The following AAK1 variants were observed in gnomAD, a reference collection of about 807,000 sequenced individuals.
The protein encoded by AAK1 is AP2-associated protein kinase 1.
A neutral mutation model predicts 116.0 loss-of-function variants in AAK1; 37 were observed. The ratio of observed to expected loss-of-function variants is 0.32; its 90% confidence interval spans 0.25 to 0.42. The LOEUF (loss-of-function observed/expected upper bound fraction) is 0.42. Among genes scored for constraint, AAK1 ranks in the 10% least tolerant of loss-of-function variants. The pLI is 1.00. For missense variants in AAK1, 919 were observed against 1,170.6 expected (o/e 0.79, Z 3.14); for synonymous variants, 458 against 439.9 (o/e 1.04, Z -0.51).
chr2:69,540,463 G>A lies in AAK1; in HGVS notation c.534+2060C>T, dbSNP rs570343844. 1.4e-4 allele frequency among the ~76,000 whole-genome samples: 21 copies of A among 152,274 alleles called. No homozygotes were observed. In the South Asian group the frequency reaches 1.7e-3, roughly 12 times the overall value. ...CTTAGAAAAAAAGGGCTGACTGTGCGCAGAGGTACACTACAGAAAGCTATC... is the reference window on the plus strand; with the variant it reads ...CTTAGAAAAAAAGGGCTGACTGTGCACAGAGGTACACTACAGAAAGCTATC... On this transcript the variant is annotated intron_variant, in intron 5 of 21. Coordinates refer to ENST00000409085, the MANE Select transcript of AAK1 (RefSeq NM_014911.5).
In AAK1 at chr2:69,530,608, G is replaced by A; in HGVS notation, c.738+17C>T. ...ACTGCTGCTATCTGAGGTATGGATA[G>A]GTTACCTGACACCTACCCAAATGTC... On this transcript the variant is annotated intron_variant, in intron 7 of 21. Transcript: ENST00000409085. 6 of 1,605,410 alleles carry A rather than the reference G, an allele frequency of 3.7e-6. No individual in the cohort carries two copies. The highest frequency in any genetic ancestry group is 4.3e-6 in the Non-Finnish European group (5 of 1,172,284).
chr2:69,519,436 A>G (rs1485175033), intron 11 of AAK1, among the ~76,000 whole-genome samples, 196 bp from the exon 12 acceptor site: 3 of 152,174 alleles, frequency 2.0e-5, no homozygotes, highest in African/African-American at 4.8e-5. Context: ...ATGTGCTTCA[A>G]ATTTTTCAAA....
intron 2 of AAK1, among the ~76,000 whole-genome samples, chr2:69,632,697 G>GC (rs777575974): frequency 1.3e-5 from 2 of 152,088 alleles, no homozygotes; most frequent in African/African-American, 2.4e-5. Flanking sequence ...AGGAGATCGA[G>GC]ACCATCCTGG....
intron 17 of AAK1, among the ~76,000 whole-genome samples, chr2:69,490,308 T>C (rs1010742924): frequency 5.9e-5 from 9 of 152,114 alleles, no homozygotes; most frequent in Admixed American, 1.3e-4. Context: ...CATTTCTGGG[T>C]ATATACCCAA....
At chr2:69,512,390 C>G (rs910234865) in intron 13 of AAK1, among the ~76,000 whole-genome samples, 1 of 152,174 alleles carries the variant, frequency 6.6e-6, no homozygotes. Flanking sequence ...AACATTACCT[C>G]ATGAGCATTT....
chr2:69,553,705 G>A (rs1407381481), intron 3 of AAK1, among the ~76,000 whole-genome samples: 1 of 151,744 alleles, frequency 6.6e-6, no homozygotes, highest in Non-Finnish European at 1.5e-5. Context: ...GCCGCCCAAA[G>A]TGCTGGGATT....
Position 69,525,588 on chromosome 2 carries a change from C to T in AAK1, c.976-476G>A, listed in dbSNP as rs984407876. Among the ~76,000 whole-genome samples the T allele has an allele frequency of 1.7e-4, 26 of 152,220 alleles. 1 individual carries two copies. The highest frequency in any genetic ancestry group is 1.6e-4 in the Non-Finnish European group (11 of 68,024). On this transcript the variant is annotated intron_variant, in intron 9 of 21. Coordinates refer to ENST00000409085, the MANE Select transcript of AAK1 (RefSeq NM_014911.5). ...AAGTTAGAATGCTCAGAGAAAACCA[C>T]AGCCACCTCTGTGTATGGCTGCTGA... is the stretch of plus-strand genomic sequence containing the variant.
intron 10 of AAK1, among the ~76,000 whole-genome samples, chr2:69,521,653 C>T (rs980889681): frequency 5.9e-5 from 9 of 152,204 alleles, no homozygotes; most frequent in African/African-American, 2.2e-4. Context: ...AATCACATTG[C>T]CCAGTCTCTT....
intron 2 of AAK1, among the ~76,000 whole-genome samples, chr2:69,574,696 G>A (rs1672230758): frequency 6.6e-6 from 1 of 152,018 alleles, no homozygotes; most frequent in Non-Finnish European, 1.5e-5. Context: ...ACACGACGGG[G>A]ATGGTGGCTC....
chr2:69,574,938 T>C (rs1447546048), intron 2 of AAK1, among the ~76,000 whole-genome samples: 1 of 148,472 alleles, frequency 6.7e-6, no homozygotes, highest in Non-Finnish European at 1.5e-5. Context: ...CATTGAACTA[T>C]CATTGTGCCA....
Position 69,527,212 on chromosome 2 carries a change from G to C in AAK1, c.975+4C>G, listed in dbSNP as rs147452033. 1.3e-6 allele frequency: 2 copies of C among 1,583,274 alleles called. No individual in the cohort carries two copies. Among genetic ancestry groups the C allele is most frequent in the Admixed American group, 3.4e-5 (2 of 58,158 alleles). On this transcript the variant is annotated splice_donor_region_variant and intron_variant, in intron 9 of 21. Transcript: ENST00000409085. ...ACTCCCTTTAAATAGCACCATTCAC[G>C]TACCTGTACATTTGGAATTGGGCAC...
chr2:69,505,800 C>A, intron 15 of AAK1, 127 bp from the exon 16 acceptor site: 1 of 592,586 alleles, frequency 1.7e-6, no homozygotes. Context: ...ATTATGGCGA[C>A]ACATTCAAAG....
chr2:69,607,940 C>T (rs1406087171), intron 2 of AAK1, among the ~76,000 whole-genome samples: 1 of 152,218 alleles, frequency 6.6e-6, no homozygotes. Context: ...CACATGTCTC[C>T]TGCCCCCAGG....
intron 3 of AAK1, among the ~76,000 whole-genome samples, chr2:69,555,022 A>C (rs183129820): frequency 6.6e-6 from 1 of 152,340 alleles, no homozygotes; most frequent in East Asian, 1.9e-4. Flanking sequence ...GAGAAAGTGA[A>C]ATCATGGGAT....
At chr2:69,593,856 C>G (rs1410623913) in intron 2 of AAK1, among the ~76,000 whole-genome samples, 1 of 152,212 alleles carries the variant, frequency 6.6e-6, no homozygotes, top group African/African-American at 2.4e-5. Context: ...TGCTACTTCC[C>G]TCACTCATTA....
At chr2:69,556,778 C>T (rs1375035300) in intron 3 of AAK1, 82 bp downstream of exon 3, 7 of 1,112,380 alleles carry the variant, frequency 6.3e-6, no homozygotes, top group Non-Finnish European at 8.0e-6. Context: ...GGGAAGGGAA[C>T]AAACCCCGCT....
chr2:69,488,291 A>G (rs1675383859), intron 17 of AAK1, among the ~76,000 whole-genome samples: 1 of 152,102 alleles, frequency 6.6e-6, no homozygotes, highest in African/African-American at 2.4e-5. Flanking sequence ...CCAGGTAACA[A>G]ACATGCACAC....
intron 5 of AAK1, among the ~76,000 whole-genome samples, chr2:69,541,054 CAG>C (rs1292506508): frequency 2.0e-5 from 3 of 151,864 alleles, no homozygotes; most frequent in African/African-American, 7.3e-5. Flanking sequence ...CATGAAAATA[CAG>C]AGACAGAAAG....
intron 3 of AAK1, among the ~76,000 whole-genome samples, chr2:69,555,457 G>A (rs996222025): frequency 2.0e-5 from 3 of 152,220 alleles, no homozygotes; most frequent in African/African-American, 7.2e-5. Flanking sequence ...CACTGAAAAG[G>A]CCACATAGGG....
Sources: gnomAD v4.1 joint callset for allele counts (sites outside exome capture counted in the v4.1 genomes callset) on GRCh38, gnomAD v4.1.1 for gene constraint, MANE v1.5 for transcripts, NCBI Gene and HGNC (gene_info 2026-07-23, HGNC 2026-07-21) for gene names.